NLRP2: variants seen among roughly 807,000 people sequenced by gnomAD.
The protein encoded by NLRP2 is NACHT, LRR and PYD domains-containing protein 2.
In NLRP2, 107 loss-of-function variants were observed where a neutral mutation model predicts 97.2. That is an observed-to-expected ratio of 1.10 (90% CI 0.94 to 1.29). The LOEUF is 1.29. NLRP2 is among the 50% of genes most tolerant of loss of function. The pLI is 0.00. For synonymous variants in NLRP2, 663 were observed against 551.5 expected, an observed-to-expected ratio of 1.20 and a Z score of -2.83; for missense variants, 1,495 against 1,330.3, an observed-to-expected ratio of 1.12 and a Z score of -1.93.
chr19:54,998,599 T>G (rs2072976262), intron 12 of NLRP2, among the ~76,000 whole-genome samples: 1 of 127,508 alleles, frequency 7.8e-6, no homozygotes, highest in Non-Finnish European at 1.7e-5. Context: ...TTTTTTGGGG[T>G]GCATCTTTTT....
rs764594129 is a variant in NLRP2 at position 54,990,201 on chromosome 19, C to G, written c.2537+9C>G. 33 of 1,613,756 alleles carry G rather than the reference C, an allele frequency of 2.0e-5. No individual in the cohort carries two copies. Among genetic ancestry groups the G allele is most frequent in the Admixed American group, 3.3e-5 (2 of 59,974 alleles). ...TTTCTGCAGAGGTTGTCGTAAGTCT[C>G]TCCTCTCTTACAGAGCAGCTGTGCT... On this transcript the variant is annotated intron_variant, in intron 9 of 12. Coordinates refer to ENST00000448584, the MANE Select transcript of NLRP2 (RefSeq NM_017852.5).
chr19:54,968,703 T>A (rs1246076249), intron 1 of NLRP2, among the ~76,000 whole-genome samples: 4 of 28,740 alleles, frequency 1.4e-4, no homozygotes, highest in Non-Finnish European at 2.9e-4. Context: ...CTTTAAGCCT[T>A]TTTTTTTTTT....
Position 55,000,996 on chromosome 19 carries a change from G to T in NLRP2, c.*98G>T. 1 of 1,069,710 alleles carries T rather than the reference G, an allele frequency of 9.3e-7. No homozygotes were observed. The highest frequency in any genetic ancestry group is 1.3e-5 in the South Asian group (1 of 79,384). The allele number at this position is 1,069,710 out of a possible 1,614,324, so 66.3% of individuals were successfully genotyped here. On this transcript the variant is annotated 3_prime_UTR_variant, in exon 13 of 13. Transcript: ENST00000448584. ...TCCTCCCCGGCCCCTACCCCTCAGG[G>T]ATAATGAGTTCATTGCTGGGCTAGA... is the stretch of plus-strand genomic sequence containing the variant.
rs575013567 is a variant in NLRP2, at chr19:54,972,044, A to G, written c.280+1749A>G. Among the ~76,000 whole-genome samples the G allele has an allele frequency of 7.0e-4, 96 of 136,252 alleles. 2 individuals carry two copies. Among genetic ancestry groups the G allele is most frequent in the Non-Finnish European group, 1.1e-3 (74 of 64,882 alleles). The allele number at this position is 136,252 out of a possible 152,430, so 89.4% of individuals were successfully genotyped here. On this transcript the variant is annotated intron_variant, in intron 2 of 12. Transcript: ENST00000448584. ...TTCTAAATAGAGATGGGGTTTCACC[A>G]TGTTAGCCAGGATAGTCTCGATGTC...
At chr19:54,986,463 AACTTGAGTTTCT>A in intron 8 of NLRP2, 148 bp downstream of exon 8, 3 of 724,144 alleles carry the variant, frequency 4.1e-6, no homozygotes, top group South Asian at 3.0e-5. Context: ...GCATGGGCTG[AACTTGAGTTTCT>A]ACTTGCCTTG....
intron 8 of NLRP2, 179 bp downstream of exon 8, chr19:54,986,494 A>C: frequency 1.5e-6 from 1 of 659,216 alleles, no homozygotes; most frequent in Non-Finnish European, 2.7e-6. Context: ...TGAACAGTAA[A>C]CACCCTGGAC....
At chr19:54,994,142 A>G in intron 10 of NLRP2, 127 bp from the exon 11 acceptor site, 1 of 1,025,382 alleles carries the variant, frequency 9.8e-7, no homozygotes, top group South Asian at 1.3e-5. Context: ...ACACCACCCC[A>G]TGATTCCATT....
chr19:54,977,459 C>G (rs2071309296), intron 3 of NLRP2, among the ~76,000 whole-genome samples: 1 of 149,442 alleles, frequency 6.7e-6, no homozygotes, highest in Non-Finnish European at 1.5e-5. Flanking sequence ...TCCTCAAAGC[C>G]TTTCCAGTGG....
intron 12 of NLRP2, among the ~76,000 whole-genome samples, chr19:54,998,022 TTTC>T: frequency 7.4e-6 from 1 of 134,246 alleles, no homozygotes; most frequent in South Asian, 2.3e-4. Flanking sequence ...TTGTTTTTTC[TTTC>T]TTTTTTTTTT....
At position 54,975,106 on chromosome 19, in the gene NLRP2, G is replaced by GTTTTTTTTTT. The variant is rs558518586; in HGVS notation, c.325+590_325+599dup. On this transcript the variant is annotated intron_variant, in intron 3 of 12. Coordinates refer to ENST00000448584, the MANE Select transcript of NLRP2 (RefSeq NM_017852.5). ...ATGAGCCACCACCACACCCGGTTTT[G>GTTTTTTTTTT]TTTTTTTTTTTTTTTTTTTTTTTTT... Among the ~76,000 whole-genome samples the GTTTTTTTTTT allele has an allele frequency of 3.0e-3, 179 of 58,696 alleles. 34 individuals are homozygous for GTTTTTTTTTT. Among genetic ancestry groups the GTTTTTTTTTT allele is most frequent in the Non-Finnish European group, 4.2e-3 (121 of 28,944 alleles). The allele number at this position is 58,696 out of a possible 152,430, so 38.5% of individuals were successfully genotyped here.
chr19:54,997,522 C>T (rs1419579229), intron 12 of NLRP2, 35 bp downstream of exon 12: 12 of 1,611,270 alleles, frequency 7.4e-6, no homozygotes, highest in Non-Finnish European at 1.0e-5. Flanking sequence ...AGGCTTTCTC[C>T]AGAGTGGTAG....
chr19:54,989,961 C>T, intron 8 of NLRP2, 61 bp from the exon 9 acceptor site: 7 of 1,576,686 alleles, frequency 4.4e-6, no homozygotes, highest in Non-Finnish European at 6.1e-6. Context: ...ACCTGGGCAA[C>T]AAGAGTGAGA....
At chr19:54,969,400 T>A (rs1214602027) in intron 1 of NLRP2, among the ~76,000 whole-genome samples, 1 of 144,764 alleles carries the variant, frequency 6.9e-6, no homozygotes, top group Non-Finnish European at 1.5e-5. Context: ...ATTGCTTGAA[T>A]CCGGGAGGCA....
In NLRP2 at chr19:54,982,540, G is replaced by A. The variant is rs200257622; in HGVS notation, c.842G>A (p.Arg281Gln). 46 of 1,614,212 alleles carry A rather than the reference G, an allele frequency of 2.8e-5. No homozygotes were observed. The Middle Eastern group carries it at 4.9e-4, about 17-fold the overall frequency. Residue 281 changes from arginine (R) to glutamine (Q), a missense_variant, in exon 6 of 13, where the codon CGG (arginine) becomes CAG (glutamine). Physicochemically the swap from Arg to Gln is conservative, Grantham distance 43. Transcript: ENST00000448584. ...ATTCCACACATCCTAGCCCAAGCAC[G>A]GAAAATCTTGTTCGTGATTGACGGC... is the stretch of plus-strand genomic sequence containing the variant. ...DDIPHILAQA[R>Q]KILFVIDGFD...
intron 1 of NLRP2, among the ~76,000 whole-genome samples, chr19:54,967,920 T>C (rs2070576051): frequency 6.8e-6 from 1 of 147,610 alleles, no homozygotes; most frequent in South Asian, 2.1e-4. Context: ...TACTGCTATT[T>C]TTTTTTTTTT....
Position 55,000,956 on chromosome 19 carries a change from T to G in NLRP2, c.*58T>G. ...ATCGATTTTCCAGGTGTTGGTGAAC[T>G]GCCTGTGACTCCTCTCCTCCCCGGC... On this transcript the variant is annotated 3_prime_UTR_variant, in exon 13 of 13. Coordinates refer to ENST00000448584, the MANE Select transcript of NLRP2 (RefSeq NM_017852.5). 6.6e-7 allele frequency: 1 copy of G among 1,513,598 alleles called. No individual in the cohort carries two copies. The highest frequency in any genetic ancestry group is 9.2e-7 in the Non-Finnish European group (1 of 1,090,938). The allele number at this position is 1,513,598 out of a possible 1,614,324, so 93.8% of individuals were successfully genotyped here. A position where few individuals can be genotyped will look rare whatever the true frequency, so the allele number is the denominator to read the frequency against.
chr19:54,972,166 A>G (rs1006108704), intron 2 of NLRP2, among the ~76,000 whole-genome samples: 18 of 148,898 alleles, frequency 1.2e-4, no homozygotes, highest in African/African-American at 4.2e-4. Flanking sequence ...GAACTACTCT[A>G]CTTTCTACCC....
intron 6 of NLRP2, among the ~76,000 whole-genome samples, chr19:54,984,329 G>GTGTGGTTTTTTTTTTTTTTTT: frequency 1.3e-5 from 1 of 79,670 alleles, no homozygotes; most frequent in Non-Finnish European, 2.5e-5. Flanking sequence ...TTTTTTTTGT[G>GTGTGGTTTTTTTTTTTTTTTT]TTTTTTTTTT....
chr19:54,995,154 A>G (rs1477906891), intron 11 of NLRP2, among the ~76,000 whole-genome samples: 1 of 135,412 alleles, frequency 7.4e-6, no homozygotes, highest in South Asian at 2.4e-4. Flanking sequence ...CTACTAAAAT[A>G]TAAAAATTAG....
Sources: allele counts gnomAD v4.1 joint callset (sites outside exome capture counted in the v4.1 genomes callset), GRCh38; gene constraint gnomAD v4.1.1; transcripts MANE v1.5; gene names NCBI Gene and HGNC (gene_info 2026-07-23, HGNC 2026-07-21).